ANKRD42: variants seen among roughly 807,000 people sequenced by gnomAD.
ANKRD42 encodes the protein ankyrin repeat domain-containing protein 42.
A neutral mutation model predicts 51.5 loss-of-function variants in ANKRD42; 43 were observed. The observed-to-expected ratio is 0.83, with a 90% CI of 0.65 to 1.08. The LOEUF (loss-of-function observed/expected upper bound fraction) is 1.08. Ranked by LOEUF, ANKRD42 falls within the 50% of genes least tolerant of loss-of-function variation. ANKRD42 has a pLI of 0.00. For synonymous variants in ANKRD42, 203 were observed against 213.0 expected, an observed-to-expected ratio of 0.95 and a Z score of 0.41; for missense variants, 608 against 629.3, an observed-to-expected ratio of 0.97 and a Z score of 0.36.
intron 8 of ANKRD42, 110 bp downstream of exon 8, chr11:83,236,619 C>A (rs1274186326): frequency 4.0e-6 from 3 of 748,922 alleles, no homozygotes; most frequent in Admixed American, 3.3e-5. Flanking sequence ...AGGACTCAAT[C>A]AAATACAGAT....
At chr11:83,254,234 TA>T (rs1434761500) in intron 11 of ANKRD42, among the ~76,000 whole-genome samples, 1 of 151,946 alleles carries the variant, frequency 6.6e-6, no homozygotes, top group African/African-American at 2.4e-5. Context: ...CACAGCCTCC[TA>T]AAGTGCTGGG....
rs761481836 is a variant in ANKRD42, at chr11:83,198,605, C to T, written c.185C>T (p.Thr62Ile). The T allele has an allele frequency of 1.6e-5, 26 of 1,609,606 alleles. No homozygotes were observed. Among genetic ancestry groups the T allele is most frequent in the Middle Eastern group, 1.6e-4 (1 of 6,082 alleles). Residue 62 changes from threonine (T) to isoleucine (I), a missense_variant, in exon 2 of 11, where the codon ACC (threonine) becomes ATC (isoleucine). Coordinates refer to ENST00000533342, the MANE Select transcript of ANKRD42 (RefSeq NM_001300975.2). ...GAACTTGATGTTCTCCATAAGTTTA[C>T]CCCTTTACATTGGGCAGCACATTCT... ...INELDVLHKF[T>I]PLHWAAHSGS...
At chr11:83,262,245 A>T (rs1400703999), downstream of ANKRD42, among the ~76,000 whole-genome samples, 1 of 149,922 alleles carries the variant, frequency 6.7e-6, no homozygotes, top group African/African-American at 2.4e-5. Context: ...AGCATTATTG[A>T]CTACTTTAAA....
chr11:83,200,241 C>T (rs1023379091), intron 2 of ANKRD42, among the ~76,000 whole-genome samples: 2 of 152,146 alleles, frequency 1.3e-5, no homozygotes, highest in Non-Finnish European at 2.9e-5. Flanking sequence ...TTGGTTAACT[C>T]ACTCCTCCTA....
intron 7 of ANKRD42, 62 bp downstream of exon 7, chr11:83,227,934 A>T: frequency 6.6e-7 from 1 of 1,518,370 alleles, no homozygotes; most frequent in Non-Finnish European, 8.8e-7. Context: ...CATCTTTTAA[A>T]GTAATTATCA....
chr11:83,247,788 T>A (rs1420422891), intron 10 of ANKRD42, among the ~76,000 whole-genome samples, 155 bp from the exon 11 acceptor site: 1 of 152,232 alleles, frequency 6.6e-6, no homozygotes, highest in Non-Finnish European at 1.5e-5. Context: ...CCTAGGTCAG[T>A]GCTCATTCTT....
intron 5 of ANKRD42, chr11:83,215,297 T>C (rs921632273): frequency 1.3e-5 from 2 of 151,952 alleles, no homozygotes; most frequent in African/African-American, 2.4e-5. Context: ...CTCTTTTTCT[T>C]TTTTTTTGCT....
At chr11:83,254,202 G>A (rs189018139) in intron 11 of ANKRD42, among the ~76,000 whole-genome samples, 277 of 152,040 alleles carry the variant, frequency 1.8e-3, no homozygotes, top group African/African-American at 6.4e-3. Flanking sequence ...TCAAACTCCT[G>A]AGCTCAAAGT....
chr11:83,230,253 A>G (rs2135535984), intron 7 of ANKRD42, among the ~76,000 whole-genome samples: 1 of 152,112 alleles, frequency 6.6e-6, no homozygotes, highest in East Asian at 1.9e-4. Context: ...GAGTTTTGCC[A>G]TGTTGCCCAG....
intron 2 of ANKRD42, 122 bp downstream of exon 2, chr11:83,198,764 C>A: frequency 2.2e-6 from 2 of 905,250 alleles, no homozygotes; most frequent in Non-Finnish European, 3.1e-6. Flanking sequence ...CAGTCATAGT[C>A]AGTTTAATAT....
downstream of ANKRD42, chr11:83,257,163 CTCT>C: frequency 2.9e-6 from 1 of 349,326 alleles, no homozygotes; most frequent in Non-Finnish European, 5.6e-6. Context: ...ATCAAATGCA[CTCT>C]TGTCAGGGCA....
chr11:83,255,127 T>G (rs590847), intron 11 of ANKRD42, among the ~76,000 whole-genome samples: 109,687 of 152,194 alleles, frequency 0.72, 40,322 homozygotes, highest in African/African-American at 0.85. Flanking sequence ...TATGCACCTT[T>G]TGCTGTTCTT....
intron 6 of ANKRD42, among the ~76,000 whole-genome samples, chr11:83,226,775 C>T (rs141954695): frequency 1.6e-4 from 24 of 150,724 alleles, no homozygotes; most frequent in African/African-American, 5.6e-4. Flanking sequence ...GACCACACCT[C>T]AGTGACAAAG....
At chr11:83,198,396 G>A in intron 1 of ANKRD42, 83 bp from the exon 2 acceptor site, 1 of 1,343,472 alleles carries the variant, frequency 7.4e-7, no homozygotes, top group Non-Finnish European at 1.0e-6. Context: ...GTAATTTTGT[G>A]CTTTCTGTTA....
chr11:83,262,100 T>C, downstream of ANKRD42: 1 of 580,368 alleles, frequency 1.7e-6, no homozygotes. Flanking sequence ...TGTTTTTTAT[T>C]CCCTAGACAA....
chr11:83,235,522 A>G (rs1020846984), intron 7 of ANKRD42, among the ~76,000 whole-genome samples: 3 of 152,196 alleles, frequency 2.0e-5, no homozygotes, highest in African/African-American at 7.2e-5. Flanking sequence ...GCATTTTTTA[A>G]AAGTATTCAT....
At chr11:83,213,972 C>G (rs1263179974) in intron 5 of ANKRD42, 1 of 152,460 alleles carries the variant, frequency 6.6e-6, no homozygotes, top group Non-Finnish European at 1.5e-5. Flanking sequence ...CTTGCTGCAA[C>G]CTCTGCCTCC....
intron 5 of ANKRD42, among the ~76,000 whole-genome samples, chr11:83,219,745 T>C (rs771500779): frequency 6.6e-6 from 1 of 152,236 alleles, no homozygotes; most frequent in Non-Finnish European, 1.5e-5. Context: ...GGAAAGTTTA[T>C]CTGGGGAGCA....
At chr11:83,250,935 T>C (rs781760419), downstream of ANKRD42, among the ~76,000 whole-genome samples, 5 of 152,176 alleles carry the variant, frequency 3.3e-5, no homozygotes, top group Non-Finnish European at 7.3e-5. Context: ...TTTTGGTATT[T>C]ACTCCTTCCC....
Sources: gnomAD v4.1 joint callset for allele counts (sites outside exome capture counted in the v4.1 genomes callset) on GRCh38, gnomAD v4.1.1 for gene constraint, MANE v1.5 for transcripts, NCBI Gene and HGNC (gene_info 2026-07-23, HGNC 2026-07-21) for gene names.